Variants in FAF1 observed in about 807,000 individuals in gnomAD.
FAF1 encodes the protein FAS-associated factor 1.
FAF1 carries 25 observed loss-of-function variants against 92.5 expected under a neutral mutation model. The observed-to-expected ratio is 0.27, with a 90% CI of 0.20 to 0.38. The LOEUF is 0.38. FAF1 is among the 10% of genes least tolerant of loss of function. FAF1 has a pLI of 1.00. For missense variants in FAF1, 636 were observed against 793.3 expected, an observed-to-expected ratio of 0.80 and a Z score of 2.38; for synonymous variants, 234 against 273.2, an observed-to-expected ratio of 0.86 and a Z score of 1.42.
chr1:50,705,051 A>T (rs1397103995), intron 7 of FAF1, among the ~76,000 whole-genome samples: 3 of 152,316 alleles, frequency 2.0e-5, no homozygotes, highest in Non-Finnish European at 2.9e-5. Context: ...TGTTGCTTTC[A>T]TAACTTATAA....
intron 4 of FAF1, among the ~76,000 whole-genome samples, chr1:50,787,462 A>G (rs1460811740): frequency 6.6e-6 from 1 of 152,216 alleles, no homozygotes; most frequent in Non-Finnish European, 1.5e-5. Context: ...GTGAGGACAC[A>G]ATGTTCCCCA....
chr1:50,451,720 G>T, intron 18 of FAF1: 1 of 346,132 alleles, frequency 2.9e-6, no homozygotes, highest in Non-Finnish European at 4.1e-6. Context: ...AATTGTTAGA[G>T]CTGGATGGGT....
chr1:50,911,122 G>C (rs1220335364), intron 1 of FAF1, among the ~76,000 whole-genome samples: 2 of 151,578 alleles, frequency 1.3e-5, no homozygotes, highest in East Asian at 4.0e-4. Flanking sequence ...ACTCATGCTG[G>C]AGTGCAGTGG....
rs1160745010 is a variant in FAF1, at chr1:50,554,232, T to C, written c.1268+12845A>G. Reference sequence around the variant, plus strand: ...ATGTGGTAGAAAAGCACAGGTAGCATTGGGATTTATAGCTGGTATAGCCAT... The same window carrying C: ...ATGTGGTAGAAAAGCACAGGTAGCACTGGGATTTATAGCTGGTATAGCCAT... On this transcript the variant is annotated intron_variant, in intron 13 of 18. Coordinates refer to ENST00000396153, the MANE Select transcript of FAF1 (RefSeq NM_007051.3). Among the ~76,000 whole-genome samples the C allele has an allele frequency of 2.0e-5, 3 of 151,310 alleles. No homozygotes were observed. The East Asian group carries it at 5.8e-4, about 29-fold the overall frequency.
intron 13 of FAF1, among the ~76,000 whole-genome samples, chr1:50,562,312 T>C (rs1649957005): frequency 6.6e-6 from 1 of 152,220 alleles, no homozygotes; most frequent in Admixed American, 6.5e-5. Context: ...TTTGGATTTG[T>C]CCATGTTGGC....
Position 50,633,370 on chromosome 1 carries a change from C to T in FAF1, c.744+22072G>A, listed in dbSNP as rs551725032. On this transcript the variant is annotated intron_variant, in intron 8 of 18. Coordinates refer to ENST00000396153, the MANE Select transcript of FAF1 (RefSeq NM_007051.3). ...TGTCATAATTAATTCCATCTCCTTG[C>T]ACTTTGAAATCTCCACAATAATAAG... Among the ~76,000 whole-genome samples, 12 of 152,288 alleles carry T rather than the reference C, an allele frequency of 7.9e-5. No homozygotes were observed. In the South Asian group the frequency reaches 1.9e-3, roughly 24 times the overall value.
intron 2 of FAF1, among the ~76,000 whole-genome samples, chr1:50,838,171 T>C (rs1292942482): frequency 6.6e-6 from 1 of 152,110 alleles, no homozygotes; most frequent in Non-Finnish European, 1.5e-5. Context: ...CAGGATGGTT[T>C]TATGGGCTGA....
intron 6 of FAF1, among the ~76,000 whole-genome samples, chr1:50,738,250 C>G (rs1189444464): frequency 6.6e-6 from 1 of 151,976 alleles, no homozygotes; most frequent in Admixed American, 6.6e-5. Flanking sequence ...TCAAGACCAG[C>G]CCGACCAACA....
At chr1:50,920,931 A>T (rs548138475) in intron 1 of FAF1, among the ~76,000 whole-genome samples, 16 of 152,222 alleles carry the variant, frequency 1.1e-4, no homozygotes, top group Non-Finnish European at 2.2e-4. Flanking sequence ...CACAGGCAAT[A>T]AAGTAAGAAA....
intron 1 of FAF1, among the ~76,000 whole-genome samples, chr1:50,957,374 CAGAG>C: frequency 1.9e-5 from 1 of 52,128 alleles, no homozygotes; most frequent in Admixed American, 2.4e-4. Flanking sequence ...TTTTTTGAGA[CAGAG>C]TCTCGCTCTG....
intron 15 of FAF1, among the ~76,000 whole-genome samples, chr1:50,501,447 GAGGTC>G (rs1646983268): frequency 6.6e-6 from 1 of 152,124 alleles, no homozygotes; most frequent in African/African-American, 2.4e-5. Context: ...GGCGGATCAC[GAGGTC>G]AGGTCAAGAC....
At chr1:50,800,456 G>A (rs1661944579) in intron 3 of FAF1, among the ~76,000 whole-genome samples, 1 of 152,118 alleles carries the variant, frequency 6.6e-6, no homozygotes, top group Non-Finnish European at 1.5e-5. Flanking sequence ...CAAGGGCTTC[G>A]ATAGAATTGA....
chr1:50,736,682 C>T (rs1659153137), intron 6 of FAF1, among the ~76,000 whole-genome samples: 3 of 151,704 alleles, frequency 2.0e-5, no homozygotes, highest in Non-Finnish European at 4.4e-5. Flanking sequence ...ACCCAGGAGG[C>T]GGAGGTTGCA....
intron 18 of FAF1, among the ~76,000 whole-genome samples, chr1:50,442,427 AT>A (rs1646179672): frequency 6.6e-6 from 1 of 152,210 alleles, no homozygotes; most frequent in Non-Finnish European, 1.5e-5. Flanking sequence ...TGCAGGACTC[AT>A]TGTGAGAATT....
intron 6 of FAF1, among the ~76,000 whole-genome samples, chr1:50,712,367 C>A (rs1008169306): frequency 6.6e-6 from 1 of 152,004 alleles, no homozygotes; most frequent in Non-Finnish European, 1.5e-5. Context: ...AAGAAATACG[C>A]TATGTTTGCT....
At chr1:50,787,854 A>T in intron 4 of FAF1, 146 bp downstream of exon 4, 2 of 643,906 alleles carry the variant, frequency 3.1e-6, no homozygotes, top group Non-Finnish European at 5.4e-6. Flanking sequence ...AAAATAAAGC[A>T]TAATAATCAG....
chr1:50,778,503 C>T (rs1280668236), intron 4 of FAF1, among the ~76,000 whole-genome samples: 1 of 152,148 alleles, frequency 6.6e-6, no homozygotes, highest in Non-Finnish European at 1.5e-5. Flanking sequence ...TTACTGATAA[C>T]ATAAACCACT....
At position 50,567,183 on chromosome 1, in the gene FAF1, T is replaced by G. The variant is rs899298672; in HGVS notation, c.1162A>C (p.Asn388His). The G allele has an allele frequency of 5.0e-6, 8 of 1,610,476 alleles. No homozygotes were observed. Among genetic ancestry groups the G allele is most frequent in the Non-Finnish European group, 6.8e-6 (8 of 1,177,750 alleles). The part of the protein sequence containing the change: ...YLHHDESVLT[N>H]VFCSQMLCAE... ...CAAAGCATTTGTGAGCAGAACACGT[T>G]GGTTAACACACTTTCATCATGGTGG... The change falls in exon 13 of 19, where the codon AAC becomes CAC. Residue 388 changes from asparagine (N) to histidine (H), a missense_variant. Transcript: ENST00000396153.
At chr1:50,814,939 T>C (rs1212053560) in intron 2 of FAF1, among the ~76,000 whole-genome samples, 2 of 152,182 alleles carry the variant, frequency 1.3e-5, no homozygotes, top group African/African-American at 2.4e-5. Context: ...GAATGTAAAA[T>C]GGTATCGCTG....
Sources: allele counts gnomAD v4.1 joint callset (sites outside exome capture counted in the v4.1 genomes callset), GRCh38; gene constraint gnomAD v4.1.1; transcripts MANE v1.5; gene names NCBI Gene and HGNC (gene_info 2026-07-23, HGNC 2026-07-21).